Variants in ZFYVE28 observed in about 807,000 individuals in gnomAD.
ZFYVE28 encodes lateral signaling target protein 2 homolog.
In ZFYVE28, 40 loss-of-function variants were observed where a neutral mutation model predicts 82.1. That is an observed-to-expected ratio of 0.49 (90% CI 0.38 to 0.63). The LOEUF (loss-of-function observed/expected upper bound fraction) is 0.63. Ranked by LOEUF, ZFYVE28 falls within the 30% of genes least tolerant of loss-of-function variation. ZFYVE28 has a pLI of 0.00. For synonymous variants in ZFYVE28, 612 were observed against 546.1 expected, an observed-to-expected ratio of 1.12 and a Z score of -1.68; for missense variants, 1,321 against 1,242.1, an observed-to-expected ratio of 1.06 and a Z score of -0.96.
chr4:2,341,325 G>T lies in ZFYVE28; in HGVS notation c.318+153C>A. 1 of 1,072,088 alleles carries T rather than the reference G, an allele frequency of 9.3e-7. No homozygotes were observed. Among genetic ancestry groups the T allele is most frequent in the Non-Finnish European group, 1.4e-6 (1 of 739,374 alleles). 66.4% of individuals were successfully genotyped at this position (1,072,088 alleles called of 1,614,324 possible). ...CCTCCAGGGGTGCACGGCCTACCAGGCTCAGACCACACCACGTAACCCAGA... is the reference window on the plus strand; with the variant it reads ...CCTCCAGGGGTGCACGGCCTACCAGTCTCAGACCACACCACGTAACCCAGA... On this transcript the variant is annotated intron_variant, in intron 3 of 12. Transcript: ENST00000290974. The surrounding 1 kb of genome is among the most constrained non-coding windows in gnomAD (Gnocchi z 4.5).
intron 1 of ZFYVE28, among the ~76,000 whole-genome samples, chr4:2,379,073 C>A (rs1728458740): frequency 6.6e-6 from 1 of 152,120 alleles, no homozygotes; most frequent in Non-Finnish European, 1.5e-5. Flanking sequence ...TGTCTCATGA[C>A]AGCAGGGGGT....
chr4:2,272,465 C>T lies in ZFYVE28; in HGVS notation c.2324-686G>A, dbSNP rs574325727. Among the ~76,000 whole-genome samples the T allele has an allele frequency of 3.0e-4, 45 of 152,340 alleles. No individual in the cohort carries two copies. The South Asian group carries it at 5.2e-3, about 18-fold the overall frequency. On this transcript the variant is annotated intron_variant, in intron 10 of 12. Transcript: ENST00000290974. ...CTCCCTGTGCCTAACCAGTCCCTGCCTTCTCCCTCCCAGATAACATGTGCG... is the reference window on the plus strand; with the variant it reads ...CTCCCTGTGCCTAACCAGTCCCTGCTTTCTCCCTCCCAGATAACATGTGCG...
intron 1 of ZFYVE28, among the ~76,000 whole-genome samples, chr4:2,370,741 G>C (rs1253487076): frequency 1.3e-5 from 2 of 152,194 alleles, no homozygotes; most frequent in African/African-American, 4.8e-5. Flanking sequence ...AAGGCCATGG[G>C]ACCACCTGCA....
chr4:2,355,218 A>AAAATGATTCT (rs1725074312), intron 1 of ZFYVE28, among the ~76,000 whole-genome samples: 1 of 6,208 alleles, frequency 1.6e-4, no homozygotes, highest in African/African-American at 5.7e-4. Context: ...ATATATATAT[A>AAAATGATTCT]TATATATATA....
Position 2,300,564 on chromosome 4 carries a change from G to A in ZFYVE28, c.2051+3725C>T, listed in dbSNP as rs1167380113. ...GGCTCCTCCTGGCTGGGACCCTCAC[G>A]CCAGGACTCCAGTGGGCCATGTGCC... On this transcript the variant is annotated intron_variant, in intron 8 of 12. Transcript: ENST00000290974. This position sits in a 1 kb window ranked among gnomAD's most constrained non-coding sequence, Gnocchi z 4.6. Among the ~76,000 whole-genome samples, 1 of 152,058 alleles carries A rather than the reference G, an allele frequency of 6.6e-6. No homozygotes were observed. The highest frequency in any genetic ancestry group is 1.9e-4 in the East Asian group (1 of 5,194).
chr4:2,320,389 C>G lies in ZFYVE28; in HGVS notation c.702-118G>C. 1.3e-6 allele frequency: 1 copy of G among 748,898 alleles called. No individual in the cohort carries two copies. 46.4% of individuals were successfully genotyped at this position (748,898 alleles called of 1,614,324 possible). On this transcript the variant is annotated intron_variant, in intron 6 of 12. Coordinates refer to ENST00000290974, the MANE Select transcript of ZFYVE28 (RefSeq NM_020972.3). This position sits in a 1 kb window ranked among gnomAD's most constrained non-coding sequence, Gnocchi z 5.1. ...CGCTGGGACTCTGCAGCGCCACTGT[C>G]CCAGCACGGCCGCCGCCTCATGCTT... is the stretch of plus-strand genomic sequence containing the variant.
intron 8 of ZFYVE28, among the ~76,000 whole-genome samples, chr4:2,275,408 GTTC>G (rs1373626486): frequency 6.6e-6 from 1 of 152,094 alleles, no homozygotes; most frequent in African/African-American, 2.4e-5. Flanking sequence ...CCCCCAACTC[GTTC>G]TTCTAATTTT....
At chr4:2,351,739 C>T (rs185798913) in intron 2 of ZFYVE28, among the ~76,000 whole-genome samples, 1 of 152,256 alleles carries the variant, frequency 6.6e-6, no homozygotes, top group Non-Finnish European at 1.5e-5. Context: ...CACAAGACGG[C>T]GCCCCTTCAG....
Position 2,350,034 on chromosome 4 carries a change from G to GACACACACACACAC in ZFYVE28, c.180+3885_180+3898dup, listed in dbSNP as rs71644325. Among the ~76,000 whole-genome samples, 274 of 148,826 alleles carry GACACACACACACAC rather than the reference G, an allele frequency of 1.8e-3. 8 individuals carry two copies. In the East Asian group the frequency reaches 0.042, roughly 23 times the overall value. ...AGCTAGTTCAATAGGGTGACACACA[G>GACACACACACACAC]ACACACACACACACACACACACACA... On this transcript the variant is annotated intron_variant, in intron 2 of 12. Transcript: ENST00000290974.
rs1007822725 is a variant in ZFYVE28, at chr4:2,330,137, T to C, written c.701+5568A>G. 87 of 365,074 alleles carry C rather than the reference T, an allele frequency of 2.4e-4. 2 individuals are homozygous for C. The highest frequency in any genetic ancestry group is 8.0e-5 in the Non-Finnish European group (21 of 263,100). 22.6% of individuals were successfully genotyped at this position (365,074 alleles called of 1,614,324 possible). A position where few individuals can be genotyped will look rare whatever the true frequency, so the allele number is the denominator to read the frequency against. On this transcript the variant is annotated intron_variant, in intron 6 of 12. Transcript: ENST00000290974. Reference sequence around the variant, plus strand: ...GATGAAGGATAATAGGGGGTGGAGGTGACCGCTCAGGAGTAAGAGACATCT... The same window carrying C: ...GATGAAGGATAATAGGGGGTGGAGGCGACCGCTCAGGAGTAAGAGACATCT...
intron 1 of ZFYVE28, among the ~76,000 whole-genome samples, chr4:2,405,228 T>G (rs1051347471): frequency 6.6e-6 from 1 of 152,082 alleles, no homozygotes; most frequent in Non-Finnish European, 1.5e-5. Flanking sequence ...CCATGTGTCT[T>G]CCCCATACTC....
intron 1 of ZFYVE28, among the ~76,000 whole-genome samples, chr4:2,388,195 G>A (rs1036761314): frequency 1.3e-5 from 2 of 152,164 alleles, no homozygotes; most frequent in African/African-American, 2.4e-5. Flanking sequence ...CTTCAAAGCC[G>A]GGACACAAAT....
chr4:2,336,296 C>T (rs1488879365), intron 5 of ZFYVE28, among the ~76,000 whole-genome samples: 3 of 152,142 alleles, frequency 2.0e-5, no homozygotes, highest in East Asian at 1.9e-4. Flanking sequence ...CTGCTGGCAT[C>T]GTGACTTTTC....
At chr4:2,360,402 C>T (rs1276437104) in intron 1 of ZFYVE28, among the ~76,000 whole-genome samples, 4 of 151,224 alleles carry the variant, frequency 2.6e-5, no homozygotes, top group Non-Finnish European at 2.9e-5. Flanking sequence ...CACACACACA[C>T]ACACACACAC....
chr4:2,332,375 C>T lies in ZFYVE28; in HGVS notation c.701+3330G>A, dbSNP rs1448093313. Among the ~76,000 whole-genome samples, 4 of 152,160 alleles carry T rather than the reference C, an allele frequency of 2.6e-5. No homozygotes were observed. The highest frequency in any genetic ancestry group is 5.9e-5 in the Non-Finnish European group (4 of 67,990). On this transcript the variant is annotated intron_variant, in intron 6 of 12. Coordinates refer to ENST00000290974, the MANE Select transcript of ZFYVE28 (RefSeq NM_020972.3). The surrounding 1 kb of genome is among the most constrained non-coding windows in gnomAD (Gnocchi z 4.7). ...CCCTGGACTTGCCCCTGAGCATACA[C>T]CACCTGCACCAACGTGCCCCTGCCT...
At chr4:2,340,005 C>T (rs76586934) in intron 3 of ZFYVE28, among the ~76,000 whole-genome samples, 1 of 151,860 alleles carries the variant, frequency 6.6e-6, no homozygotes, top group Admixed American at 6.6e-5. Context: ...CAGGAGGAAC[C>T]CTGGTCATGT....
Position 2,327,187 on chromosome 4 carries a change from T to G in ZFYVE28, c.702-6916A>C, listed in dbSNP as rs1452734179. On this transcript the variant is annotated intron_variant, in intron 6 of 12. Transcript: ENST00000290974. ...ATCGCTTGAACCCAGTAGGTGGAGG[T>G]TGTAGTGAGCTGAGATCGCACCACT... Among the ~76,000 whole-genome samples, 3 of 143,236 alleles carry G rather than the reference T, an allele frequency of 2.1e-5. No individual in the cohort carries two copies. The South Asian group carries it at 6.8e-4, about 33-fold the overall frequency. The allele number at this position is 143,236 out of a possible 152,430, so 94.0% of individuals were successfully genotyped here.
intron 1 of ZFYVE28, among the ~76,000 whole-genome samples, chr4:2,406,165 A>G (rs1731892316): frequency 6.6e-6 from 1 of 152,080 alleles, no homozygotes; most frequent in African/African-American, 2.4e-5. Context: ...TGAGGTCAGG[A>G]ATTCAAGACC....
chr4:2,297,574 G>A (rs1290764122), intron 8 of ZFYVE28, among the ~76,000 whole-genome samples: 2 of 152,258 alleles, frequency 1.3e-5, no homozygotes, highest in Non-Finnish European at 2.9e-5. Context: ...ACAGAGATGT[G>A]AATCCAGGAA....
Sources: allele counts gnomAD v4.1 joint callset (sites outside exome capture counted in the v4.1 genomes callset), GRCh38; gene constraint gnomAD v4.1.1; non-coding constraint Gnocchi (gnomAD v3.1); transcripts MANE v1.5; gene names NCBI Gene and HGNC (gene_info 2026-07-23, HGNC 2026-07-21).